MMACHC: variants seen among roughly 807,000 people sequenced by gnomAD.
MMACHC encodes metabolism of cobalamin associated C.
In MMACHC, 14 loss-of-function variants were observed where a neutral mutation model predicts 17.6. The ratio of observed to expected loss-of-function variants is 0.80; its 90% CI spans 0.53 to 1.25. The LOEUF (loss-of-function observed/expected upper bound fraction) is 1.25, where lower values mean the gene tolerates loss of function less well. Among genes scored for constraint, MMACHC ranks in the 50% most tolerant of loss-of-function variants. The probability of loss-of-function intolerance (pLI) is 0.00; values close to 1 mark genes in which losing one functional copy is unlikely to be tolerated. For missense variants in MMACHC, 392 were observed against 364.5 expected, an observed-to-expected ratio of 1.08 and a Z score of -0.62; for synonymous variants, 151 against 142.1, an observed-to-expected ratio of 1.06 and a Z score of -0.45.
chr1:45,508,258 AC>A lies in MMACHC; in HGVS notation c.327del (p.Asn110ThrfsTer14). ...GAAATCATTGCTGACTACGAGGTGC[AC>A]CCCAACCGACGCCCCAAGATCCTGG... is the stretch of plus-strand genomic sequence containing the variant. Reference protein sequence around the residue: ...QIEIIADYEVHPNRRPKILAQ... With the variant: ...QIEIIADYEVXPNRRPKILAQ... On this transcript the variant is annotated frameshift_variant, in exon 3 of 4. Transcript: ENST00000401061. LOFTEE classifies it high-confidence loss of function. 1 of 1,614,114 alleles carries A rather than the reference AC, an allele frequency of 6.2e-7. No homozygotes were observed. The highest frequency in any genetic ancestry group is 8.5e-7 in the Non-Finnish European group (1 of 1,180,018).
At chr1:45,503,723 A>G (rs1481076172) in intron 1 of MMACHC, among the ~76,000 whole-genome samples, 1 of 152,202 alleles carries the variant, frequency 6.6e-6, no homozygotes, top group Non-Finnish European at 1.5e-5. Flanking sequence ...ACCAGCTACA[A>G]TCAAACAAGT....
chr1:45,504,385 A>G (rs1215671449), intron 1 of MMACHC, among the ~76,000 whole-genome samples: 1 of 151,964 alleles, frequency 6.6e-6, no homozygotes, highest in Non-Finnish European at 1.5e-5. Flanking sequence ...CACAAACTCC[A>G]GCCTGGGGAA....
intron 1 of MMACHC, 55 bp downstream of exon 1, chr1:45,500,468 A>G: frequency 1.9e-6 from 3 of 1,576,566 alleles, no homozygotes; most frequent in Non-Finnish European, 2.6e-6. Context: ...GCTTCGTTGC[A>G]ACTGGCGTGA....
At chr1:45,506,449 T>C (rs1371377300) in intron 1 of MMACHC, among the ~76,000 whole-genome samples, 1 of 152,172 alleles carries the variant, frequency 6.6e-6, no homozygotes, top group Non-Finnish European at 1.5e-5. Context: ...AACTCTGCTC[T>C]GTGGGTCCTC....
rs367574509 is a variant in MMACHC, at chr1:45,509,225, A to G, written c.*10A>G. Reference sequence around the variant, plus strand: ...ATCCCCTGGCCCTTGATTTTCTCCCATGTGGACCCTGATTTATGGTGGTAC... The same window carrying G: ...ATCCCCTGGCCCTTGATTTTCTCCCGTGTGGACCCTGATTTATGGTGGTAC... On this transcript the variant is annotated 3_prime_UTR_variant, in exon 4 of 4. Coordinates refer to ENST00000401061, the MANE Select transcript of MMACHC (RefSeq NM_015506.3). 4.0e-5 allele frequency: 64 copies of G among 1,613,712 alleles called. 1 individual carries two copies. The Middle Eastern group carries it at 9.9e-4, about 25-fold the overall frequency.
In MMACHC at chr1:45,508,983, G is replaced by C. The variant is rs371753672; in HGVS notation, c.617G>C (p.Arg206Pro). The C allele has an allele frequency of 5.6e-6, 9 of 1,614,012 alleles. No individual in the cohort carries two copies. The highest frequency in any genetic ancestry group is 1.3e-5 in the African/African-American group (1 of 74,914). ...FNFHWRDWTY[R>P]DAVTPQERYS... ...TTCCACTGGCGTGATTGGACTTACC[G>C]GGATGCTGTGACACCCCAGGAGCGC... Residue 206 changes from arginine (R) to proline (P), a missense_variant, in exon 4 of 4, where the codon CGG becomes CCG. By Grantham distance (103) the Arg-to-Pro change is moderately radical. Transcript: ENST00000401061.
In MMACHC at chr1:45,508,271, C is replaced by A. The variant is rs774148007; in HGVS notation, c.336C>A (p.Arg112=). ...IADYEVHPNR[R]PKILAQTAAH... ...ACTACGAGGTGCACCCCAACCGACG[C>A]CCCAAGATCCTGGCCCAGACAGCAG... The change falls in exon 3 of 4, where the codon CGC becomes CGA. Residue 112 remains arginine, a synonymous_variant. Transcript: ENST00000401061. The A allele has an allele frequency of 1.9e-6, 3 of 1,614,028 alleles. No homozygotes were observed. In the Admixed American group the frequency reaches 5.0e-5, roughly 27 times the overall value.
At chr1:45,508,505 T>G in intron 3 of MMACHC, 141 bp downstream of exon 3, 1 of 1,046,458 alleles carries the variant, frequency 9.6e-7, no homozygotes, top group Non-Finnish European at 1.4e-6. Context: ...GAGGCAGTCC[T>G]GTCACATGCG....
In MMACHC at chr1:45,511,226, C is replaced by A; in HGVS notation, c.*2011C>A. ...TGCCTTGTAAGACACCACAATTCGG[C>A]TGAATCTGAAGTCTTGTGTTTTACT... On this transcript the variant is annotated 3_prime_UTR_variant, in exon 4 of 4. Coordinates refer to ENST00000401061, the MANE Select transcript of MMACHC (RefSeq NM_015506.3). 1 of 999,120 alleles carries A rather than the reference C, an allele frequency of 1.0e-6. No individual in the cohort carries two copies. Among genetic ancestry groups the A allele is most frequent in the Non-Finnish European group, 1.5e-6 (1 of 675,246 alleles). 61.9% of individuals were successfully genotyped at this position (999,120 alleles called of 1,614,324 possible).
rs764739938 is a variant in MMACHC, at chr1:45,510,616, C to A, written c.*1401C>A. 1 of 152,214 alleles carries A rather than the reference C, an allele frequency of 6.6e-6. No individual in the cohort carries two copies. The highest frequency in any genetic ancestry group is 2.4e-5 in the African/African-American group (1 of 41,448). 9.4% of individuals were successfully genotyped at this position (152,214 alleles called of 1,614,324 possible). On this transcript the variant is annotated 3_prime_UTR_variant, in exon 4 of 4. Transcript: ENST00000401061. Reference sequence around the variant, plus strand: ...CGAAAGCCCTACCCAAGGCCACCAGCCTTGTCTTCCTCTTTCCTCTGTCAG... The same window carrying A: ...CGAAAGCCCTACCCAAGGCCACCAGACTTGTCTTCCTCTTTCCTCTGTCAG...
rs370229341 is a variant in MMACHC at position 45,508,231 on chromosome 1, T to C, written c.296T>C (p.Ile99Thr). 22 of 1,614,012 alleles carry C rather than the reference T, an allele frequency of 1.4e-5. No individual in the cohort carries two copies. The highest frequency in any genetic ancestry group is 8.0e-5 in the African/African-American group (6 of 74,886). Reference protein sequence around the residue: ...RVRESLPELQIEIIADYEVHP... With the variant: ...RVRESLPELQTEIIADYEVHP... ...TTCCAGAGCCTCCCAGAGCTGCAGA[T>C]AGAAATCATTGCTGACTACGAGGTG... The change falls in exon 3 of 4, where the codon ATA (isoleucine) becomes ACA (threonine). Residue 99 changes from isoleucine to threonine, a missense_variant. By Grantham distance (89) the Ile-to-Thr change is moderately conservative. Transcript: ENST00000401061.
Position 45,510,541 on chromosome 1 carries a change from C to T in MMACHC, c.*1326C>T, listed in dbSNP as rs1056615577. On this transcript the variant is annotated 3_prime_UTR_variant, in exon 4 of 4. Transcript: ENST00000401061. ...GACACTAAAAAAGACTATCTCTAAT[C>T]AAGGCTAGAACCAAGGGAAGGCTAA... is the stretch of plus-strand genomic sequence containing the variant. 1 of 151,990 alleles carries T rather than the reference C, an allele frequency of 6.6e-6. No individual in the cohort carries two copies. The highest frequency in any genetic ancestry group is 1.5e-5 in the Non-Finnish European group (1 of 68,042). 9.4% of individuals were successfully genotyped at this position (151,990 alleles called of 1,614,324 possible). A position where few individuals can be genotyped will look rare whatever the true frequency, so the allele number is the denominator to read the frequency against.
In MMACHC at chr1:45,509,303, A is replaced by G; in HGVS notation, c.*88A>G. ...AGCAAAAGGTTTTGAGTACAAGATT[A>G]CTATTTTTGATAATATAGTAGAGAT... On this transcript the variant is annotated 3_prime_UTR_variant, in exon 4 of 4. Transcript: ENST00000401061. 1 of 1,456,790 alleles carries G rather than the reference A, an allele frequency of 6.9e-7. No individual in the cohort carries two copies. The highest frequency in any genetic ancestry group is 9.6e-7 in the Non-Finnish European group (1 of 1,041,540). 90.2% of individuals were successfully genotyped at this position (1,456,790 alleles called of 1,614,324 possible). A position where few individuals can be genotyped will look rare whatever the true frequency, so the allele number is the denominator to read the frequency against.
chr1:45,505,397 G>A (rs992770155), intron 1 of MMACHC, among the ~76,000 whole-genome samples: 1 of 151,702 alleles, frequency 6.6e-6, no homozygotes, highest in African/African-American at 2.4e-5. Context: ...GCAATAAGCC[G>A]AGGCTGCGCC....
Position 45,508,245 on chromosome 1 carries a change from GACT to G in MMACHC, c.313_315del (p.Tyr105del), listed in dbSNP as rs1557607881. On this transcript the variant is annotated inframe_deletion, in exon 3 of 4. Transcript: ENST00000401061. Reference sequence around the variant, plus strand: ...AGAGCTGCAGATAGAAATCATTGCTGACTACGAGGTGCACCCCAACCGACGCCC... The same window carrying G: ...AGAGCTGCAGATAGAAATCATTGCTGACGAGGTGCACCCCAACCGACGCCC... 6 of 1,614,122 alleles carry G rather than the reference GACT, an allele frequency of 3.7e-6. No homozygotes were observed. The highest frequency in any genetic ancestry group is 5.1e-6 in the Non-Finnish European group (6 of 1,180,018).
Position 45,511,195 on chromosome 1 carries a change from A to G in MMACHC, c.*1980A>G. On this transcript the variant is annotated 3_prime_UTR_variant, in exon 4 of 4. Coordinates refer to ENST00000401061, the MANE Select transcript of MMACHC (RefSeq NM_015506.3). Reference sequence around the variant, plus strand: ...GCTGGTCTCTCCACCCCCTGTAGGAAAGGCCTGCCTTGTAAGACACCACAA... The same window carrying G: ...GCTGGTCTCTCCACCCCCTGTAGGAGAGGCCTGCCTTGTAAGACACCACAA... The G allele has an allele frequency of 2.7e-6, 2 of 749,784 alleles. No homozygotes were observed. The highest frequency in any genetic ancestry group is 4.3e-6 in the Non-Finnish European group (2 of 463,632). 46.4% of individuals were successfully genotyped at this position (749,784 alleles called of 1,614,324 possible).
intron 1 of MMACHC, among the ~76,000 whole-genome samples, chr1:45,502,792 C>T (rs1643565112): frequency 6.6e-6 from 1 of 151,732 alleles, no homozygotes; most frequent in Admixed American, 6.6e-5. Context: ...ACAACCTCTG[C>T]CTCCCGGGTT....
chr1:45,511,472 T>G lies in MMACHC; in HGVS notation c.*2257T>G. ...TTCTCAATGGTATGCACCACCATTC[T>G]CCTATGGACAAAACCAGTTCTGCAC... On this transcript the variant is annotated 3_prime_UTR_variant, in exon 4 of 4. Transcript: ENST00000401061. 1 of 1,429,012 alleles carries G rather than the reference T, an allele frequency of 7.0e-7. No homozygotes were observed. Among genetic ancestry groups the G allele is most frequent in the Non-Finnish European group, 9.8e-7 (1 of 1,024,390 alleles). 88.5% of individuals were successfully genotyped at this position (1,429,012 alleles called of 1,614,324 possible). A position where few individuals can be genotyped will look rare whatever the true frequency, so the allele number is the denominator to read the frequency against.
intron 1 of MMACHC, among the ~76,000 whole-genome samples, chr1:45,503,283 G>A (rs535506395): frequency 2.8e-4 from 42 of 151,970 alleles, no homozygotes; most frequent in African/African-American, 9.4e-4. Context: ...CTGTAATCCC[G>A]GCTACTCGGG....
Sources: gnomAD v4.1 joint callset for allele counts (sites outside exome capture counted in the v4.1 genomes callset) on GRCh38, gnomAD v4.1.1 for gene constraint, MANE v1.5 for transcripts, NCBI Gene and HGNC (gene_info 2026-07-23, HGNC 2026-07-21) for gene names.